PTPRU: variants seen among roughly 807,000 people sequenced by gnomAD.
PTPRU encodes receptor-type tyrosine-protein phosphatase U.
A neutral mutation model predicts 166.3 loss-of-function variants in PTPRU; 69 were observed. The observed-to-expected ratio is 0.41, with a 90% confidence interval of 0.34 to 0.51. PTPRU has a LOEUF of 0.51. Ranked by LOEUF, PTPRU falls within the 20% of genes least tolerant of loss-of-function variation. The pLI is 0.09. For missense variants in PTPRU, 1,657 were observed against 2,013.7 expected (o/e 0.82, Z 3.39); for synonymous variants, 793 against 814.0 (o/e 0.97, Z 0.44).
chr1:29,325,363 T>G, intron 29 of PTPRU, 37 bp downstream of exon 29: 1 of 1,610,006 alleles, frequency 6.2e-7, no homozygotes, highest in Non-Finnish European at 8.5e-7. Context: ...CACTTCCACC[T>G]TCCTGGTCCA....
rs114890626 is a variant in PTPRU at position 29,306,636 on chromosome 1, G to C, written c.2820+1208G>C. ...GAGCTGCCTCTGGGTGGCTGGAGAG[G>C]AGAGGGAAGAGTGTCCCGGGTGAGG... On this transcript the variant is annotated intron_variant, in intron 18 of 29. Transcript: ENST00000373779. Among the ~76,000 whole-genome samples, 1,188 of 152,330 alleles carry C rather than the reference G, an allele frequency of 7.8e-3. 15 individuals are homozygous for C. The highest frequency in any genetic ancestry group is 0.024 in the African/African-American group (1,006 of 41,576).
intron 14 of PTPRU, among the ~76,000 whole-genome samples, chr1:29,288,373 G>A (rs1434509095): frequency 6.6e-6 from 1 of 152,180 alleles, no homozygotes; most frequent in Non-Finnish European, 1.5e-5. Flanking sequence ...GAAAAGAACA[G>A]GGTGCTGGGT....
chr1:29,284,325 T>C (rs79172432), intron 13 of PTPRU, among the ~76,000 whole-genome samples: 2,787 of 152,246 alleles, frequency 0.018, 75 homozygotes, highest in African/African-American at 0.063. Flanking sequence ...GTATCTTTCC[T>C]GCTTCCAGAC....
At chr1:29,254,578 C>T (rs16838061) in intron 1 of PTPRU, among the ~76,000 whole-genome samples, 1 of 152,056 alleles carries the variant, frequency 6.6e-6, no homozygotes, top group African/African-American at 2.4e-5. Context: ...TGACATCTGT[C>T]AAGTAGGAAA....
At position 29,280,101 on chromosome 1, in the gene PTPRU, G is replaced by A. The variant is rs747973212; in HGVS notation, c.1828G>A (p.Val610Met). The change falls in exon 11 of 30, where the codon GTG becomes ATG. Residue 610 changes from valine (V) to methionine (M), a missense_variant. By Grantham distance (21) the Val-to-Met change is conservative (BLOSUM62 1). Transcript: ENST00000373779. The surrounding 1 kb of genome is among the most constrained non-coding windows in gnomAD (Gnocchi z 4.2). ...PLGESENTIT[V>M]LLRPAQGRGA... ...GGGCGAGTCTGAGAACACCATCACC[G>A]TGCTGCTGAGGCCGGCACAGGGCCG... 15 of 1,613,492 alleles carry A rather than the reference G, an allele frequency of 9.3e-6. No homozygotes were observed. The highest frequency in any genetic ancestry group is 3.3e-5 in the Admixed American group (2 of 59,998).
chr1:29,294,127 C>T (rs933897493), intron 15 of PTPRU, among the ~76,000 whole-genome samples: 1 of 152,216 alleles, frequency 6.6e-6, no homozygotes, highest in African/African-American at 2.4e-5. Flanking sequence ...GGAGTACGTG[C>T]ATCTTCAGCT....
intron 11 of PTPRU, 124 bp from the exon 12 acceptor site, chr1:29,282,552 G>A (rs1239739984): frequency 7.6e-6 from 10 of 1,310,258 alleles, no homozygotes; most frequent in South Asian, 1.5e-5. Context: ...AGCTAGTAAG[G>A]AGCAGTGTGT....
chr1:29,302,543 A>G (rs1687185116), intron 15 of PTPRU, among the ~76,000 whole-genome samples: 1 of 151,890 alleles, frequency 6.6e-6, no homozygotes, highest in Admixed American at 6.6e-5. Flanking sequence ...TGTATCATTT[A>G]TTATGATTTT....
chr1:29,248,395 C>T (rs1337582790), intron 1 of PTPRU, among the ~76,000 whole-genome samples: 1 of 152,028 alleles, frequency 6.6e-6, no homozygotes, highest in Non-Finnish European at 1.5e-5. Context: ...AGGGGTACAA[C>T]CTTGGATGAT....
chr1:29,312,518 G>C (rs1206342357), intron 21 of PTPRU, 34 bp from the exon 22 acceptor site: 1 of 1,551,658 alleles, frequency 6.4e-7, no homozygotes, highest in Admixed American at 1.8e-5. Context: ...GATGCTGCCA[G>C]GGACTCTGAT....
chr1:29,244,062 C>T (rs564637650), intron 1 of PTPRU, among the ~76,000 whole-genome samples: 3 of 151,984 alleles, frequency 2.0e-5, no homozygotes, highest in Non-Finnish European at 4.4e-5. Context: ...CTTGGAGGGC[C>T]GCTGAGGCTT....
Position 29,315,609 on chromosome 1 carries a change from G to A in PTPRU, c.3363+102G>A, listed in dbSNP as rs536413846. 1.7e-4 allele frequency: 255 copies of A among 1,506,590 alleles called. 4 individuals are homozygous for A. In the South Asian group the frequency reaches 2.9e-3, roughly 17 times the overall value. The allele number at this position is 1,506,590 out of a possible 1,614,324, so 93.3% of individuals were successfully genotyped here. A position where few individuals can be genotyped will look rare whatever the true frequency, so the allele number is the denominator to read the frequency against. ...AGAGCATGCCCAAAGGGTGTCCTGA[G>A]GCTCTTGCCTTCCCTCAGATCATCC... On this transcript the variant is annotated intron_variant, in intron 23 of 29. Coordinates refer to ENST00000373779, the MANE Select transcript of PTPRU (RefSeq NM_133178.4). The surrounding 1 kb of genome is among the most constrained non-coding windows in gnomAD (Gnocchi z 4.5).
Position 29,236,661 on chromosome 1 carries a change from C to A in PTPRU, c.17C>A (p.Ala6Glu). Residue 6 changes from alanine to glutamate, a missense_variant, in exon 1 of 30, where the codon GCG (alanine) becomes GAG (glutamate). By Grantham distance (107) the Ala-to-Glu change is moderately radical. This residue lies in a region of PTPRU where 453 missense variants were observed against 496.9 expected (regional missense o/e 0.91). Coordinates refer to ENST00000373779, the MANE Select transcript of PTPRU (RefSeq NM_133178.4). This position sits in a 1 kb window ranked among gnomAD's most constrained non-coding sequence, Gnocchi z 4.6. MARAQALVLALTFQLC... is the reference protein window; with the variant it reads MARAQELVLALTFQLC... The stretch of plus-strand genomic sequence containing the variant: ...GCTCCAACCATGGCCCGTGCCCAGG[C>A]GCTCGTGCTGGCACTCACCTTCCAG... 3 of 1,426,298 alleles carry A rather than the reference C, an allele frequency of 2.1e-6. No homozygotes were observed. Among genetic ancestry groups the A allele is most frequent in the South Asian group, 1.4e-5 (1 of 71,718 alleles). 88.4% of individuals were successfully genotyped at this position (1,426,298 alleles called of 1,614,324 possible).
In PTPRU at chr1:29,258,794, A is replaced by G. The variant is rs935362784; in HGVS notation, c.477+18A>G. ...AATATCAGGTGGGCTGGGTTCAGTC[A>G]GCGGTCAGCCTGTGCCTGGAGGTGG... On this transcript the variant is annotated intron_variant, in intron 3 of 29. Transcript: ENST00000373779. The G allele has an allele frequency of 6.4e-7, 1 of 1,554,462 alleles. No homozygotes were observed. The highest frequency in any genetic ancestry group is 1.2e-5 in the South Asian group (1 of 80,584).
rs531109757 is a variant in PTPRU, at chr1:29,291,052, A to C, written c.2319-817A>C. On this transcript the variant is annotated intron_variant, in intron 14 of 29. Transcript: ENST00000373779. This position sits in a 1 kb window ranked among gnomAD's most constrained non-coding sequence, Gnocchi z 4.1. ...CCTCTGTCCATGGCCCTATCTCCCC[A>C]CCTCCTTTTCTCCCTCCCACTTTCC... is the stretch of plus-strand genomic sequence containing the variant. 1.3e-5 allele frequency among the ~76,000 whole-genome samples: 2 copies of C among 151,796 alleles called. No homozygotes were observed. The highest frequency in any genetic ancestry group is 2.9e-5 in the Non-Finnish European group (2 of 67,928).
intron 18 of PTPRU, 36 bp downstream of exon 18, chr1:29,305,464 C>T (rs1211996907): frequency 7.6e-6 from 12 of 1,588,530 alleles, no homozygotes; most frequent in Non-Finnish European, 9.5e-6. Context: ...GCAGACCTGG[C>T]CCTGCCCGCT....
chr1:29,320,890 A>G lies in PTPRU; in HGVS notation c.3828+65A>G, dbSNP rs1488964342. 5.6e-6 allele frequency: 8 copies of G among 1,428,386 alleles called. No homozygotes were observed. The highest frequency in any genetic ancestry group is 5.0e-5 in the South Asian group (3 of 60,344). 88.5% of individuals were successfully genotyped at this position (1,428,386 alleles called of 1,614,324 possible). A position where few individuals can be genotyped will look rare whatever the true frequency, so the allele number is the denominator to read the frequency against. On this transcript the variant is annotated intron_variant, in intron 26 of 29. Coordinates refer to ENST00000373779, the MANE Select transcript of PTPRU (RefSeq NM_133178.4). The surrounding 1 kb of genome is among the most constrained non-coding windows in gnomAD (Gnocchi z 5.2). ...CCAGGTCCTCTGTGTATTCAGGGCC[A>G]TGGTCCCCAAAGCCAAAAGTTGGGT...
intron 8 of PTPRU, among the ~76,000 whole-genome samples, chr1:29,277,800 A>ATTTT (rs1478190246): frequency 4.1e-4 from 17 of 41,756 alleles, no homozygotes; most frequent in South Asian, 1.6e-3. Context: ...CACAGTTGTC[A>ATTTT]TTCTTTTTTT....
chr1:29,325,701 C>G lies in PTPRU; in HGVS notation c.*40C>G. ...GGGGCACCCACTGCACACTCAGGGC[C>G]AGACCCACCATCCTGGACTGGCGAG... On this transcript the variant is annotated 3_prime_UTR_variant, in exon 30 of 30. Coordinates refer to ENST00000373779, the MANE Select transcript of PTPRU (RefSeq NM_133178.4). 6.6e-7 allele frequency: 1 copy of G among 1,521,740 alleles called. No individual in the cohort carries two copies. Among genetic ancestry groups the G allele is most frequent in the Non-Finnish European group, 9.0e-7 (1 of 1,114,102 alleles). The allele number at this position is 1,521,740 out of a possible 1,614,324, so 94.3% of individuals were successfully genotyped here.
Sources: allele counts gnomAD v4.1 joint callset (sites outside exome capture counted in the v4.1 genomes callset), GRCh38; gene constraint gnomAD v4.1.1; regional missense constraint gnomAD v4.1.1; non-coding constraint Gnocchi (gnomAD v3.1); transcripts MANE v1.5; gene names NCBI Gene and HGNC (gene_info 2026-07-23, HGNC 2026-07-21).